The following PCDHGB4 variants were observed in gnomAD, a reference collection of about 807,000 sequenced individuals.
The protein encoded by PCDHGB4 is protocadherin gamma-B4.
Under a neutral mutation model 60.5 loss-of-function variants are expected in PCDHGB4, and 38 were observed. The observed-to-expected ratio is 0.63, with a 90% CI of 0.48 to 0.82. PCDHGB4 has a LOEUF of 0.82. Ranked by LOEUF, PCDHGB4 falls within the 40% of genes least tolerant of loss-of-function variation. The pLI is 0.00. For missense variants in PCDHGB4, 1,109 were observed against 1,209.6 expected (o/e 0.92, Z 1.23); for synonymous variants, 456 against 509.7 (o/e 0.89, Z 1.42).
chr5:141,438,714 G>A (rs1051491309), intron 1 of PCDHGB4, among the ~76,000 whole-genome samples: 1 of 147,786 alleles, frequency 6.8e-6, no homozygotes, highest in South Asian at 2.2e-4. Flanking sequence ...AGGCTGGAGT[G>A]CAAGTGGTGT....
At chr5:141,434,784 A>T (rs967716221) in intron 1 of PCDHGB4, among the ~76,000 whole-genome samples, 11 of 150,278 alleles carry the variant, frequency 7.3e-5, no homozygotes, top group East Asian at 5.8e-4. Flanking sequence ...AAAAAAAAAA[A>T]TTTTTTTTTC....
At chr5:141,496,588 C>T (rs775641672) in intron 2 of PCDHGB4, among the ~76,000 whole-genome samples, 9 of 152,280 alleles carry the variant, frequency 5.9e-5, no homozygotes, top group Non-Finnish European at 1.0e-4. Context: ...GAACGCAAAG[C>T]GCTTCTTAGA....
intron 1 of PCDHGB4, among the ~76,000 whole-genome samples, chr5:141,407,609 TG>T (rs2094960291): frequency 1.3e-5 from 2 of 152,162 alleles, no homozygotes; most frequent in Admixed American, 1.3e-4. Flanking sequence ...AAAGAAGCAT[TG>T]GTTGACATTC....
intron 1 of PCDHGB4, among the ~76,000 whole-genome samples, chr5:141,446,719 G>C (rs899985752): frequency 2.6e-5 from 4 of 152,056 alleles, no homozygotes; most frequent in Admixed American, 1.3e-4. Flanking sequence ...TGCCCGCCTC[G>C]GCCTCCCAAA....
chr5:141,408,540 C>A (rs201370009), intron 1 of PCDHGB4: 1 of 1,614,046 alleles, frequency 6.2e-7, no homozygotes. Flanking sequence ...GTGGAAAATC[C>A]TTTAAATATT....
At chr5:141,443,088 T>G (rs188899890) in intron 1 of PCDHGB4, among the ~76,000 whole-genome samples, 1 of 151,974 alleles carries the variant, frequency 6.6e-6, no homozygotes, top group African/African-American at 2.4e-5. Context: ...TGTTCCAGTC[T>G]CCTTCTCAAG....
intron 1 of PCDHGB4, chr5:141,419,715 T>C: frequency 6.2e-7 from 1 of 1,613,288 alleles, no homozygotes. Flanking sequence ...CTCTTCAGCC[T>C]GGGGCTGCGA....
At chr5:141,404,296 T>C in intron 1 of PCDHGB4, 1 of 1,613,946 alleles carries the variant, frequency 6.2e-7, no homozygotes, top group Non-Finnish European at 8.5e-7. Flanking sequence ...TCAATGATAA[T>C]CCACCTGCTT....
chr5:141,404,132 T>C, intron 1 of PCDHGB4: 1 of 1,613,136 alleles, frequency 6.2e-7, no homozygotes, highest in Non-Finnish European at 8.5e-7. Context: ...ATCTTTTACA[T>C]TAGAAAATTC....
At position 141,511,871 on chromosome 5, in the gene PCDHGB4, A is replaced by T. The variant is rs1306732557; in HGVS notation, c.*698A>T. On this transcript the variant is annotated 3_prime_UTR_variant, in exon 4 of 4. Coordinates refer to ENST00000519479, the MANE Select transcript of PCDHGB4 (RefSeq NM_003736.4). ...TTGTTTTTCATTGTTTGACGTTTCCACTGCATGCCTTGACTTCCCCCACCT... is the reference window on the plus strand; with the variant it reads ...TTGTTTTTCATTGTTTGACGTTTCCTCTGCATGCCTTGACTTCCCCCACCT... 1 of 156,376 alleles carries T rather than the reference A, an allele frequency of 6.4e-6. No homozygotes were observed. The highest frequency in any genetic ancestry group is 1.9e-4 in the East Asian group (1 of 5,268). 9.7% of individuals were successfully genotyped at this position (156,376 alleles called of 1,614,324 possible).
In PCDHGB4 at chr5:141,431,248, G is replaced by C. The variant is rs1213088915; in HGVS notation, c.2397+40967G>C. On this transcript the variant is annotated intron_variant, in intron 1 of 3. Coordinates refer to ENST00000519479, the MANE Select transcript of PCDHGB4 (RefSeq NM_003736.4). This position sits in a 1 kb window ranked among gnomAD's most constrained non-coding sequence, Gnocchi z 4.8. ...CCCACGCCTGGGATCCGGATATCGG[G>C]AAGAACTCTCTGCAGAGCTACGAGC... is the stretch of plus-strand genomic sequence containing the variant. 5 of 1,614,022 alleles carry C rather than the reference G, an allele frequency of 3.1e-6. No homozygotes were observed. Among genetic ancestry groups the C allele is most frequent in the Non-Finnish European group, 4.2e-6 (5 of 1,180,056 alleles).
intron 1 of PCDHGB4, among the ~76,000 whole-genome samples, chr5:141,402,580 TA>T (rs2094282125): frequency 6.6e-6 from 1 of 152,226 alleles, no homozygotes; most frequent in Admixed American, 6.5e-5. Context: ...CTCAGATATC[TA>T]AAAAATAGAT....
chr5:141,436,393 A>G (rs560164691), intron 1 of PCDHGB4, among the ~76,000 whole-genome samples: 2 of 152,342 alleles, frequency 1.3e-5, no homozygotes, highest in South Asian at 4.1e-4. Context: ...GCTTTATTAA[A>G]TAGTTGTTGA....
chr5:141,390,170 T>C lies in PCDHGB4; in HGVS notation c.2286T>C (p.Phe762=), dbSNP rs773539625. 5 of 1,613,940 alleles carry C rather than the reference T, an allele frequency of 3.1e-6. No individual in the cohort carries two copies. In the African/African-American group the frequency reaches 6.7e-5, roughly 22 times the overall value. ...LCVAHTGKTE[F]NFLKCSEQLS... ...TTGCACATACAGGAAAGACGGAGTTTAATTTCCTAAAATGTAGTGAGCAGT... is the reference window on the plus strand; with the variant it reads ...TTGCACATACAGGAAAGACGGAGTTCAATTTCCTAAAATGTAGTGAGCAGT... Residue 762 remains phenylalanine (F), a synonymous_variant, in exon 1 of 4, where the codon TTT becomes TTC. Transcript: ENST00000519479.
At chr5:141,503,660 C>A (rs2099827842) in intron 2 of PCDHGB4, among the ~76,000 whole-genome samples, 1 of 150,420 alleles carries the variant, frequency 6.6e-6, no homozygotes, top group Non-Finnish European at 1.5e-5. Flanking sequence ...AACAGAATTA[C>A]AACTCTTCCC....
At chr5:141,419,505 G>C in intron 1 of PCDHGB4, 1 of 1,612,324 alleles carries the variant, frequency 6.2e-7, no homozygotes, top group Non-Finnish European at 8.5e-7. Flanking sequence ...GTGAGCCTGC[G>C]CGTGTTGGTG....
At chr5:141,398,568 G>A (rs761294182) in intron 1 of PCDHGB4, 5 of 1,614,014 alleles carry the variant, frequency 3.1e-6, no homozygotes, top group African/African-American at 1.3e-5. Flanking sequence ...AGTCTGCACA[G>A]CCTGGCACAA....
At chr5:141,425,606 G>A (rs1419859039) in intron 1 of PCDHGB4, among the ~76,000 whole-genome samples, 1 of 152,156 alleles carries the variant, frequency 6.6e-6, no homozygotes, top group Non-Finnish European at 1.5e-5. Context: ...GCCCTATATA[G>A]CTTTCAGTGC....
At position 141,476,304 on chromosome 5, in the gene PCDHGB4, C is replaced by T. The variant is rs769790423; in HGVS notation, c.2398-18503C>T. On this transcript the variant is annotated intron_variant, in intron 1 of 3. Coordinates refer to ENST00000519479, the MANE Select transcript of PCDHGB4 (RefSeq NM_003736.4). The surrounding 1 kb of genome is among the most constrained non-coding windows in gnomAD (Gnocchi z 7.6). Reference sequence around the variant, plus strand: ...GGTTTGGATCTCGGTAGCCTCTCAGCCCGCAGGTTCCGGGTGGTGTCTGGA... The same window carrying T: ...GGTTTGGATCTCGGTAGCCTCTCAGTCCGCAGGTTCCGGGTGGTGTCTGGA... The T allele has an allele frequency of 6.2e-7, 1 of 1,613,746 alleles. No individual in the cohort carries two copies. Among genetic ancestry groups the T allele is most frequent in the Admixed American group, 1.7e-5 (1 of 59,988 alleles).
Sources: allele counts gnomAD v4.1 joint callset (sites outside exome capture counted in the v4.1 genomes callset), GRCh38; gene constraint gnomAD v4.1.1; non-coding constraint Gnocchi (gnomAD v3.1); transcripts MANE v1.5; gene names NCBI Gene and HGNC (gene_info 2026-07-23, HGNC 2026-07-21).